DHTKD1: variants seen among roughly 807,000 people sequenced by gnomAD.
The protein encoded by DHTKD1 is dehydrogenase E1 and transketolase domain containing 1, also known as 2-oxoadipate dehydrogenase complex component E1.
DHTKD1 carries 78 observed loss-of-function variants against 101.8 expected under a neutral mutation model. The ratio of observed to expected loss-of-function variants is 0.77; its 90% CI spans 0.64 to 0.93. The LOEUF is 0.93. Ranked by LOEUF, DHTKD1 falls within the 40% of genes least tolerant of loss-of-function variation. The probability of loss-of-function intolerance (pLI) is 0.00; values close to 1 mark genes in which losing one functional copy is unlikely to be tolerated. For synonymous variants in DHTKD1, 462 were observed against 450.3 expected, an observed-to-expected ratio of 1.03 and a Z score of -0.33; for missense variants, 1,223 against 1,161.7, an observed-to-expected ratio of 1.05 and a Z score of -0.77.
At chr10:12,080,299 CA>C (rs11359134) in intron 1 of DHTKD1, among the ~76,000 whole-genome samples, 71,519 of 87,720 alleles carry the variant, frequency 0.82, 28,252 homozygotes, top group Middle Eastern at 0.93. Context: ...GACTCCGTCT[CA>C]AAAAAAAAAA....
At chr10:12,117,554 G>A (rs1833439473) in intron 13 of DHTKD1, 119 bp from the exon 14 acceptor site, 1 of 692,084 alleles carries the variant, frequency 1.4e-6, no homozygotes, top group Non-Finnish European at 2.6e-6. Context: ...ATTAGGACAT[G>A]GGTCTCCTTG....
Position 12,071,324 on chromosome 10 carries a change from GCT to G in DHTKD1, c.154+2142_154+2143del, listed in dbSNP as rs1274850127. On this transcript the variant is annotated intron_variant, in intron 1 of 16. Transcript: ENST00000263035. Reference sequence around the variant, plus strand: ...TTTGTTCTGGGTGGCCATATACTGGGCTCTCTATTACTATCAAAGAGAGGGTT... The same window carrying G: ...TTTGTTCTGGGTGGCCATATACTGGGCTCTATTACTATCAAAGAGAGGGTT... Among the ~76,000 whole-genome samples, 154 of 152,236 alleles carry G rather than the reference GCT, an allele frequency of 1.0e-3. 1 individual carries two copies. Among genetic ancestry groups the G allele is most frequent in the Non-Finnish European group, 2.2e-4 (15 of 68,020 alleles).
At position 12,107,955 on chromosome 10, in the gene DHTKD1, AC is replaced by A; in HGVS notation, c.2095del (p.His699MetfsTer15). On this transcript the variant is annotated frameshift_variant, in exon 12 of 17. Transcript: ENST00000263035. LOFTEE classifies it high-confidence loss of function. This position sits in a 1 kb window ranked among gnomAD's most constrained non-coding sequence, Gnocchi z 4.1. ...AAAGCGGCATCGTCATCCTCCTTCC[AC>A]ATGGCTACGATGGGGCTGGGCCAGA... The part of the protein sequence containing the change: ...LQSGIVILLP[H>X]GYDGAGPDHS... 5 of 1,614,076 alleles carry A rather than the reference AC, an allele frequency of 3.1e-6. No individual in the cohort carries two copies. Among genetic ancestry groups the A allele is most frequent in the Non-Finnish European group, 4.2e-6 (5 of 1,179,976 alleles).
chr10:12,101,241 C>G (rs1306225276), intron 10 of DHTKD1, 60 bp downstream of exon 10: 3 of 1,555,520 alleles, frequency 1.9e-6, no homozygotes, highest in Non-Finnish European at 2.6e-6. Context: ...TTCCAGGATT[C>G]TTAGAACAAG....
At chr10:12,098,629 A>G (rs1305172930) in intron 8 of DHTKD1, among the ~76,000 whole-genome samples, 1 of 152,168 alleles carries the variant, frequency 6.6e-6, no homozygotes, top group Non-Finnish European at 1.5e-5. Flanking sequence ...CAGTGGCGTG[A>G]TCTCGGCTCA....
intron 1 of DHTKD1, among the ~76,000 whole-genome samples, chr10:12,073,075 C>T (rs1430065916): frequency 2.0e-5 from 3 of 149,150 alleles, no homozygotes; most frequent in Non-Finnish European, 4.5e-5. Flanking sequence ...CTCCGTGGCC[C>T]AGGCTGGAGT....
rs1564395582 is a variant in DHTKD1, at chr10:12,103,092, A to ATG, written c.1896+1911_1896+1912insTG. On this transcript the variant is annotated intron_variant, in intron 10 of 16. Transcript: ENST00000263035. The surrounding 1 kb of genome is among the most constrained non-coding windows in gnomAD (Gnocchi z 4.8). ...ACAAAAATTAGTCGGGCATGGTGGC[A>ATG]CACGCCTGTAATCCCAGCTACTCAG... Among the ~76,000 whole-genome samples, 9 of 152,162 alleles carry ATG rather than the reference A, an allele frequency of 5.9e-5. No individual in the cohort carries two copies. Among genetic ancestry groups the ATG allele is most frequent in the Admixed American group, 2.0e-4 (3 of 15,268 alleles).
chr10:12,090,551 T>C (rs1832976861), intron 5 of DHTKD1, among the ~76,000 whole-genome samples: 2 of 152,084 alleles, frequency 1.3e-5, no homozygotes, highest in Middle Eastern at 3.4e-3. Context: ...GGTGCAATCA[T>C]AGCTCACTGT....
Position 12,087,652 on chromosome 10 carries a change from A to T in DHTKD1, c.640A>T (p.Ile214Phe), listed in dbSNP as rs1179605289. Residue 214 changes from isoleucine to phenylalanine, a missense_variant, in exon 4 of 17, where the codon ATC becomes TTC. Physicochemically the swap from Ile to Phe is conservative, Grantham distance 21 (BLOSUM62 0). Transcript: ENST00000263035. The surrounding 1 kb of genome is among the most constrained non-coding windows in gnomAD (Gnocchi z 5.2). ...GCTGAAAATGTCGGCCTACAGCGGG[A>T]TCACTGATGTCATTATTGGGATGCC... is the stretch of plus-strand genomic sequence containing the variant. Reference protein sequence around the residue: ...ELLKMSAYSGITDVIIGMPHR... With the variant: ...ELLKMSAYSGFTDVIIGMPHR... 6.2e-7 allele frequency: 1 copy of T among 1,614,002 alleles called. No individual in the cohort carries two copies. The highest frequency in any genetic ancestry group is 2.2e-5 in the East Asian group (1 of 44,880).
At chr10:12,109,103 C>T (rs556425634) in intron 12 of DHTKD1, among the ~76,000 whole-genome samples, 146 of 151,922 alleles carry the variant, frequency 9.6e-4, no homozygotes, top group African/African-American at 2.8e-3. Flanking sequence ...AGTGAGATCA[C>T]GCCACTGCAC....
intron 8 of DHTKD1, among the ~76,000 whole-genome samples, chr10:12,099,665 G>A (rs1015702535): frequency 1.3e-5 from 2 of 152,068 alleles, no homozygotes; most frequent in African/African-American, 4.8e-5. Context: ...TCTAGCCTGC[G>A]TGACAGAGTG....
At chr10:12,090,446 T>TCCTTCCTC (rs768198328) in intron 5 of DHTKD1, among the ~76,000 whole-genome samples, 40 of 120,904 alleles carry the variant, frequency 3.3e-4, no homozygotes, top group Admixed American at 2.0e-3. Flanking sequence ...CTTCCTTCCT[T>TCCTTCCTC]CCTTCCTTCC....
At position 12,069,140 on chromosome 10, in the gene DHTKD1, G is replaced by A. The variant is rs1163063140; in HGVS notation, c.107G>A (p.Arg36Lys). 1 of 1,584,218 alleles carries A rather than the reference G, an allele frequency of 6.3e-7. No individual in the cohort carries two copies. The highest frequency in any genetic ancestry group is 2.3e-5 in the East Asian group (1 of 43,104). The change falls in exon 1 of 17, where the codon AGG becomes AAG. Residue 36 changes from arginine (R) to lysine (K), a missense_variant. Arg to Lys is a conservative substitution (Grantham distance 26, BLOSUM62 2). Transcript: ENST00000263035. ...TERGVYGYRP[R>K]KPESREPQGA... is the part of the protein sequence containing the mutation. ...CGGGGCGTTTACGGCTACCGGCCGA[G>A]GAAGCCCGAGAGCCGCGAGCCCCAG...
intron 12 of DHTKD1, among the ~76,000 whole-genome samples, chr10:12,108,231 C>T (rs1300770840): frequency 1.3e-5 from 2 of 152,158 alleles, no homozygotes; most frequent in African/African-American, 4.8e-5. Flanking sequence ...GTGCCAGGAT[C>T]AGCAGTTCTT....
At chr10:12,076,452 G>A (rs755788248) in intron 1 of DHTKD1, among the ~76,000 whole-genome samples, 2 of 150,514 alleles carry the variant, frequency 1.3e-5, no homozygotes, top group Non-Finnish European at 3.0e-5. Context: ...CTCCAGCCTT[G>A]GCAACAGAGC....
Position 12,069,207 on chromosome 10 carries a change from CGGT to C in DHTKD1, c.154+23_154+25del. ...CCCCAGGTCGGGGATGGGGCCCGGG[CGGT>C]GGGAGCGGGGGCTGGGACGCAGAAG... is the stretch of plus-strand genomic sequence containing the variant. On this transcript the variant is annotated intron_variant, in intron 1 of 16. Coordinates refer to ENST00000263035, the MANE Select transcript of DHTKD1 (RefSeq NM_018706.7). The C allele has an allele frequency of 5.3e-6, 7 of 1,323,000 alleles. No homozygotes were observed. Among genetic ancestry groups the C allele is most frequent in the Non-Finnish European group, 6.9e-6 (7 of 1,010,734 alleles). The allele number at this position is 1,323,000 out of a possible 1,614,324, so 82.0% of individuals were successfully genotyped here.
chr10:12,120,206 C>T lies in DHTKD1; in HGVS notation c.2597C>T (p.Pro866Leu). Residue 866 changes from proline to leucine, a missense_variant, in exon 16 of 17, where the codon CCT (proline) becomes CTT (leucine). By Grantham distance (98) the Pro-to-Leu change is moderately conservative. Transcript: ENST00000263035. Reference sequence around the variant, plus strand: ...GATCATATTTGGAGTCAGGAGGAACCTCAGAACATGGGTCCGTGGTCGTTT... The same window carrying T: ...GATCATATTTGGAGTCAGGAGGAACTTCAGAACATGGGTCCGTGGTCGTTT... ...VKDHIWSQEE[P>L]QNMGPWSFVS... 1 of 1,613,966 alleles carries T rather than the reference C, an allele frequency of 6.2e-7. No individual in the cohort carries two copies.
At chr10:12,092,875 G>T (rs760148782) in intron 6 of DHTKD1, among the ~76,000 whole-genome samples, 1 of 151,848 alleles carries the variant, frequency 6.6e-6, no homozygotes, top group Non-Finnish European at 1.5e-5. Flanking sequence ...AAATTGGTAG[G>T]TTTTTTTGTT....
intron 14 of DHTKD1, among the ~76,000 whole-genome samples, chr10:12,118,543 C>T (rs1415528289): frequency 3.3e-5 from 5 of 151,962 alleles, no homozygotes; most frequent in African/African-American, 9.7e-5. Context: ...CCAGTACGCC[C>T]GGCTAATTTT....
Sources: gnomAD v4.1 joint callset for allele counts (sites outside exome capture counted in the v4.1 genomes callset) on GRCh38, gnomAD v4.1.1 for gene constraint, Gnocchi (gnomAD v3.1) non-coding constraint, MANE v1.5 for transcripts, NCBI Gene and HGNC (gene_info 2026-07-23, HGNC 2026-07-21) for gene names.